SPATA6L: variants seen among roughly 807,000 people sequenced by gnomAD.
SPATA6L encodes spermatogenesis associated 6 like.
A neutral mutation model predicts 49.2 loss-of-function variants in SPATA6L; 68 were observed. The observed-to-expected ratio is 1.38, with a 90% confidence interval of 1.14 to 1.69. The LOEUF is 1.69. SPATA6L is among the 40% of genes most tolerant of loss of function. SPATA6L has a pLI of 0.00. For synonymous variants in SPATA6L, 198 were observed against 165.7 expected (o/e 1.19, Z -1.50); for missense variants, 668 against 464.3 (o/e 1.44, Z -4.03).
intron 9 of SPATA6L, among the ~76,000 whole-genome samples, chr9:4,614,528 G>A (rs763492260): frequency 6.6e-6 from 1 of 152,148 alleles, no homozygotes; most frequent in African/African-American, 2.4e-5. Flanking sequence ...CCTAGTGATC[G>A]CTCTAAAGCC....
chr9:4,661,976 T>A lies in SPATA6L; in HGVS notation c.100A>T (p.Met34Leu), dbSNP rs181695613. Residue 34 changes from methionine to leucine, a missense_variant, in exon 2 of 12, where the codon ATG becomes TTG. Transcript: ENST00000682582. The part of the protein sequence containing the change: ...KQDVYLGVYL[M>L]NQYLETNSFP... The stretch of plus-strand genomic sequence containing the variant: ...CTGTTGGTCTCCAGGTACTGATTCA[T>A]GAGGTAGACCCCGAGGTACACATCT... 141 of 1,614,064 alleles carry A rather than the reference T, an allele frequency of 8.7e-5. No individual in the cohort carries two copies. The African/African-American group carries it at 1.3e-3, about 15-fold the overall frequency.
At chr9:4,640,568 A>G (rs1299671066) in intron 3 of SPATA6L, among the ~76,000 whole-genome samples, 1 of 148,024 alleles carries the variant, frequency 6.8e-6, no homozygotes, top group Non-Finnish European at 1.5e-5. Flanking sequence ...AAACTTTAAG[A>G]AAAAAAAAAA....
chr9:4,641,727 TAAATG>T (rs1466815461), intron 3 of SPATA6L, among the ~76,000 whole-genome samples: 1 of 152,238 alleles, frequency 6.6e-6, no homozygotes, highest in East Asian at 1.9e-4. Flanking sequence ...CTGAATGTAC[TAAATG>T]CATTTTAGAA....
intron 3 of SPATA6L, among the ~76,000 whole-genome samples, chr9:4,650,808 C>T (rs1836647651): frequency 6.6e-6 from 1 of 150,740 alleles, no homozygotes; most frequent in African/African-American, 2.4e-5. Context: ...TACAGGCAAG[C>T]ACCACCAAAC....
intron 4 of SPATA6L, among the ~76,000 whole-genome samples, chr9:4,634,731 G>T (rs1422878376): frequency 6.6e-6 from 1 of 152,058 alleles, no homozygotes; most frequent in Non-Finnish European, 1.5e-5. Context: ...ACATCAAAAT[G>T]AGTATCCTGA....
chr9:4,644,685 T>TCTCTCACACA (rs1438618515), intron 3 of SPATA6L, among the ~76,000 whole-genome samples: 96 of 107,750 alleles, frequency 8.9e-4, no homozygotes, highest in Middle Eastern at 0.01. Flanking sequence ...TCTCTCTCTC[T>TCTCTCACACA]CACACACACA....
At chr9:4,594,322 G>A (rs1024321124), downstream of SPATA6L, among the ~76,000 whole-genome samples, 5 of 152,150 alleles carry the variant, frequency 3.3e-5, no homozygotes, top group African/African-American at 1.2e-4. Context: ...CCATTCTCCT[G>A]CCTCAGCCTC....
At chr9:4,612,304 C>G (rs1246770343) in intron 9 of SPATA6L, among the ~76,000 whole-genome samples, 1 of 152,124 alleles carries the variant, frequency 6.6e-6, no homozygotes, top group Non-Finnish European at 1.5e-5. Flanking sequence ...ACCACCAGGA[C>G]TTTATCTTAT....
At chr9:4,649,171 G>C (rs951611213) in intron 3 of SPATA6L, among the ~76,000 whole-genome samples, 1 of 152,068 alleles carries the variant, frequency 6.6e-6, no homozygotes, top group African/African-American at 2.4e-5. Context: ...TGCAAATTGT[G>C]CTGCATAAAC....
In SPATA6L at chr9:4,662,688, T is replaced by C. The variant is rs1563746031; in HGVS notation, c.40-652A>G. On this transcript the variant is annotated intron_variant, in intron 1 of 11. Coordinates refer to ENST00000682582, the MANE Select transcript of SPATA6L (RefSeq NM_001353486.2). The surrounding 1 kb of genome is among the most constrained non-coding windows in gnomAD (Gnocchi z 4.9). ...GTCCTTCCTGGGCATCGCCCTGCGC[T>C]CCCTGCTGGCCATCGACCTGTGGCT... 1 of 1,600,900 alleles carries C rather than the reference T, an allele frequency of 6.2e-7. No individual in the cohort carries two copies. The highest frequency in any genetic ancestry group is 1.7e-5 in the Admixed American group (1 of 60,022).
downstream of SPATA6L, among the ~76,000 whole-genome samples, chr9:4,594,154 C>G (rs1363462626): frequency 6.6e-6 from 1 of 152,166 alleles, no homozygotes; most frequent in South Asian, 2.1e-4. Flanking sequence ...TATCCAAAAT[C>G]AATCTCATCA....
intron 4 of SPATA6L, among the ~76,000 whole-genome samples, chr9:4,634,785 G>A (rs1296909790): frequency 1.3e-5 from 2 of 152,056 alleles, no homozygotes; most frequent in South Asian, 2.1e-4. Context: ...AATTATCAAC[G>A]GAATATCTGC....
rs772323549 is a variant in SPATA6L at position 4,656,016 on chromosome 9, T to C, written c.226+25A>G. 14 of 1,595,464 alleles carry C rather than the reference T, an allele frequency of 8.8e-6. No homozygotes were observed. The South Asian group carries it at 1.3e-4, about 15-fold the overall frequency. On this transcript the variant is annotated intron_variant, in intron 3 of 11. Coordinates refer to ENST00000682582, the MANE Select transcript of SPATA6L (RefSeq NM_001353486.2). ...TTACACACAATAGTCTTTTGGTTTT[T>C]TGTTTTGTTTTTCAGAGTACCTACT... is the stretch of plus-strand genomic sequence containing the variant.
chr9:4,617,742 C>A (rs1828334056), intron 9 of SPATA6L, among the ~76,000 whole-genome samples, 181 bp downstream of exon 9: 1 of 152,092 alleles, frequency 6.6e-6, no homozygotes, highest in South Asian at 2.1e-4. Flanking sequence ...CCATTTACAG[C>A]AAATATTCTG....
chr9:4,660,603 C>T (rs1181309386), intron 2 of SPATA6L, among the ~76,000 whole-genome samples: 1 of 152,202 alleles, frequency 6.6e-6, no homozygotes, highest in African/African-American at 2.4e-5. Context: ...CTAGTTCAAC[C>T]CATGTGGAAG....
intron 1 of SPATA6L, among the ~76,000 whole-genome samples, chr9:4,665,706 G>A (rs1025921442): frequency 6.6e-6 from 1 of 152,176 alleles, no homozygotes; most frequent in African/African-American, 2.4e-5. Context: ...GGAAGGATTT[G>A]GTAATTACGA....
At chr9:4,590,744 T>TTATC (rs943326250) in intron 13 of SPATA6L, among the ~76,000 whole-genome samples, 9 of 152,100 alleles carry the variant, frequency 5.9e-5, no homozygotes, top group African/African-American at 2.2e-4. Context: ...AAAGCACTGT[T>TTATC]TATCAAAAAA....
chr9:4,655,291 G>T lies in SPATA6L; in HGVS notation c.226+750C>A, dbSNP rs182565548. Among the ~76,000 whole-genome samples, 25 of 152,248 alleles carry T rather than the reference G, an allele frequency of 1.6e-4. No individual in the cohort carries two copies. The East Asian group carries it at 4.6e-3, about 28-fold the overall frequency. ...TTACACTAAGAATTCAATCACAAAG[G>T]AGCACATGTTGTATAATCTCATTCA... On this transcript the variant is annotated intron_variant, in intron 3 of 11. Coordinates refer to ENST00000682582, the MANE Select transcript of SPATA6L (RefSeq NM_001353486.2).
At chr9:4,622,273 C>G in intron 7 of SPATA6L, 135 bp downstream of exon 7, 1 of 609,506 alleles carries the variant, frequency 1.6e-6, no homozygotes, top group Non-Finnish European at 2.9e-6. Flanking sequence ...CCTGGAAATT[C>G]CACAGCTGGA....
Sources: gnomAD v4.1 joint callset for allele counts (sites outside exome capture counted in the v4.1 genomes callset) on GRCh38, gnomAD v4.1.1 for gene constraint, Gnocchi (gnomAD v3.1) non-coding constraint, MANE v1.5 for transcripts, NCBI Gene and HGNC (gene_info 2026-07-23, HGNC 2026-07-21) for gene names.